AXDND1: variants seen among roughly 807,000 people sequenced by gnomAD.
AXDND1 encodes axonemal dynein light chain domain containing 1.
In AXDND1, 110 loss-of-function variants were observed where a neutral mutation model predicts 137.5. The observed-to-expected ratio is 0.80, with a 90% confidence interval of 0.69 to 0.94. AXDND1 has a LOEUF of 0.94. AXDND1 is among the 40% of genes least tolerant of loss of function. The probability of loss-of-function intolerance (pLI) is 0.00; values close to 1 mark genes in which losing one functional copy is unlikely to be tolerated. For synonymous variants in AXDND1, 414 were observed against 399.7 expected, an observed-to-expected ratio of 1.04 and a Z score of -0.43; for missense variants, 1,191 against 1,169.8, an observed-to-expected ratio of 1.02 and a Z score of -0.26.
chr1:179,367,243 C>T (rs541144081), intron 2 of AXDND1, among the ~76,000 whole-genome samples: 3 of 150,422 alleles, frequency 2.0e-5, no homozygotes, highest in Admixed American at 1.3e-4. Context: ...ATAAATAGGC[C>T]GGGCACAGTG....
intron 16 of AXDND1, chr1:179,447,813 C>T: frequency 7.7e-7 from 1 of 1,293,352 alleles, no homozygotes; most frequent in Non-Finnish European, 1.1e-6. Context: ...TTCCATTTGG[C>T]ACTGTGAAGT....
At chr1:179,456,006 A>G (rs1661354936) in intron 16 of AXDND1, 1 of 351,672 alleles carries the variant, frequency 2.8e-6, no homozygotes, top group Non-Finnish European at 5.5e-6. Flanking sequence ...TACACTTTTC[A>G]CAGAACACAA....
At chr1:179,489,065 T>A (rs1572053530) in intron 18 of AXDND1, among the ~76,000 whole-genome samples, 1 of 129,510 alleles carries the variant, frequency 7.7e-6, no homozygotes, top group Admixed American at 7.2e-5. Flanking sequence ...AAGAAGTGGC[T>A]AATTACTCAC....
In AXDND1 at chr1:179,552,418, G is replaced by T. The variant is rs140018411; in HGVS notation, c.3032-2094G>T. Reference sequence around the variant, plus strand: ...TATTATCAGTAGCTTCAGAGAGGGAGAGGAGTTGCATTAGTCAGGGGACTA... The same window carrying T: ...TATTATCAGTAGCTTCAGAGAGGGATAGGAGTTGCATTAGTCAGGGGACTA... On this transcript the variant is annotated intron_variant, in intron 25 of 25. Transcript: ENST00000367618. The T allele has an allele frequency of 8.0e-5, 51 of 638,346 alleles. 1 individual carries two copies. The highest frequency in any genetic ancestry group is 7.3e-4 in the African/African-American group (41 of 55,802). 39.5% of individuals were successfully genotyped at this position (638,346 alleles called of 1,614,324 possible). A position where few individuals can be genotyped will look rare whatever the true frequency, so the allele number is the denominator to read the frequency against.
At chr1:179,447,512 TG>T in intron 16 of AXDND1, 1 of 483,860 alleles carries the variant, frequency 2.1e-6, no homozygotes, top group Non-Finnish European at 3.4e-6. Flanking sequence ...ATTCTACAGT[TG>T]GCGCAGAAAA....
At chr1:179,422,832 C>T (rs984867763) in intron 12 of AXDND1, among the ~76,000 whole-genome samples, 3 of 152,046 alleles carry the variant, frequency 2.0e-5, no homozygotes, top group Non-Finnish European at 4.4e-5. Flanking sequence ...GGTGCAGTCT[C>T]GGCTCACTGC....
intron 17 of AXDND1, among the ~76,000 whole-genome samples, chr1:179,481,252 C>A (rs142372913): frequency 1.3e-5 from 2 of 152,114 alleles, no homozygotes; most frequent in South Asian, 2.1e-4. Flanking sequence ...TTTGTCCTTG[C>A]GATAGTTTGC....
intron 15 of AXDND1, among the ~76,000 whole-genome samples, chr1:179,439,236 G>A (rs985024138): frequency 6.6e-6 from 1 of 152,134 alleles, no homozygotes; most frequent in South Asian, 2.1e-4. Flanking sequence ...CAATTAGGGC[G>A]ACTGGGCCAG....
At chr1:179,506,025 A>C (rs1283302034) in intron 20 of AXDND1, among the ~76,000 whole-genome samples, 1 of 152,224 alleles carries the variant, frequency 6.6e-6, no homozygotes, top group Non-Finnish European at 1.5e-5. Flanking sequence ...ATAAGGCTTC[A>C]TGTGAGACTT....
At chr1:179,451,771 A>C (rs1660579951) in intron 16 of AXDND1, 1 of 152,752 alleles carries the variant, frequency 6.5e-6, no homozygotes, top group Non-Finnish European at 1.5e-5. Context: ...TTAAGATGTG[A>C]CTTGCTCCTC....
At chr1:179,538,344 C>T (rs1478047435) in intron 25 of AXDND1, among the ~76,000 whole-genome samples, 1 of 152,128 alleles carries the variant, frequency 6.6e-6, no homozygotes, top group East Asian at 1.9e-4. Flanking sequence ...TATAAATTTC[C>T]CTCTACACAC....
At chr1:179,419,674 A>G (rs1655379821) in intron 12 of AXDND1, among the ~76,000 whole-genome samples, 1 of 138,900 alleles carries the variant, frequency 7.2e-6, no homozygotes, top group African/African-American at 2.9e-5. Flanking sequence ...AGGGAGACAG[A>G]GAGGGAGAGG....
intron 17 of AXDND1, among the ~76,000 whole-genome samples, chr1:179,475,878 C>G (rs1290536687): frequency 6.6e-6 from 1 of 152,078 alleles, no homozygotes; most frequent in Non-Finnish European, 1.5e-5. Flanking sequence ...AGGGAGGGAC[C>G]TGTAATTCTC....
At position 179,551,292 on chromosome 1, in the gene AXDND1, CA is replaced by C. The variant is rs1673229720; in HGVS notation, c.3032-3217del. 2 of 1,613,894 alleles carry C rather than the reference CA, an allele frequency of 1.2e-6. No individual in the cohort carries two copies. The highest frequency in any genetic ancestry group is 1.7e-6 in the Non-Finnish European group (2 of 1,180,010). On this transcript the variant is annotated intron_variant, in intron 25 of 25. Transcript: ENST00000367618. ...GGAGAAGACAGGCAATTCAGTAGGT[CA>C]AATGGCAAAGGTAAAACCACAGTGG...
Position 179,540,620 on chromosome 1 carries a change from T to C in AXDND1, c.3031+5658T>C, listed in dbSNP as rs187662529. ...CCAGCCAGTGCTCTCCTGTATGAGGTGTCTGTCGGCCCCAACTGGGAGGTA... is the reference window on the plus strand; with the variant it reads ...CCAGCCAGTGCTCTCCTGTATGAGGCGTCTGTCGGCCCCAACTGGGAGGTA... On this transcript the variant is annotated intron_variant, in intron 25 of 25. Transcript: ENST00000367618. 1.2e-4 allele frequency among the ~76,000 whole-genome samples: 19 copies of C among 152,254 alleles called. No homozygotes were observed. The East Asian group carries it at 3.3e-3, about 26-fold the overall frequency.
At chr1:179,467,026 A>G (rs1409403665) in intron 16 of AXDND1, among the ~76,000 whole-genome samples, 1 of 152,100 alleles carries the variant, frequency 6.6e-6, no homozygotes, top group East Asian at 1.9e-4. Context: ...CTCCTTAGCA[A>G]ATTCTGTACT....
At chr1:179,518,324 A>C (rs1669735198) in intron 21 of AXDND1, among the ~76,000 whole-genome samples, 1 of 151,422 alleles carries the variant, frequency 6.6e-6, no homozygotes, top group African/African-American at 2.4e-5. Context: ...TGATCTGTCT[A>C]TTAGTGGGTC....
chr1:179,386,749 G>C lies in AXDND1; in HGVS notation c.863+1390G>C, dbSNP rs1021445590. ...TACTATTCTTATTATTTTTGACATA[G>C]AGTCTTGCTCTGTTACCCAGGCTGG... On this transcript the variant is annotated intron_variant, in intron 9 of 25. Coordinates refer to ENST00000367618, the MANE Select transcript of AXDND1 (RefSeq NM_144696.6). 2.6e-5 allele frequency among the ~76,000 whole-genome samples: 4 copies of C among 151,556 alleles called. 1 individual carries two copies. The highest frequency in any genetic ancestry group is 6.9e-3 in the Middle Eastern group (2 of 290).
At chr1:179,374,301 C>A (rs564966687) in intron 4 of AXDND1, among the ~76,000 whole-genome samples, 1 of 152,076 alleles carries the variant, frequency 6.6e-6, no homozygotes, top group Non-Finnish European at 1.5e-5. Context: ...GTTAGAATGG[C>A]GATCATTCAA....
Sources: allele counts gnomAD v4.1 joint callset (sites outside exome capture counted in the v4.1 genomes callset), GRCh38; gene constraint gnomAD v4.1.1; transcripts MANE v1.5; gene names NCBI Gene and HGNC (gene_info 2026-07-23, HGNC 2026-07-21).